The following MIPOL1 variants were observed in gnomAD, a reference collection of about 807,000 sequenced individuals.
MIPOL1 encodes the protein mirror-image polydactyly 1, also known as mirror-image polydactyly gene 1 protein.
MIPOL1 carries 57 observed loss-of-function variants against 60.9 expected under a neutral mutation model. The observed-to-expected ratio is 0.94, with a 90% CI of 0.76 to 1.17. The LOEUF (loss-of-function observed/expected upper bound fraction) is 1.17, where lower values mean the gene tolerates loss of function less well. MIPOL1 is among the 50% of genes most tolerant of loss of function. The probability of loss-of-function intolerance (pLI) is 0.00; values close to 1 mark genes in which losing one functional copy is unlikely to be tolerated. For synonymous variants in MIPOL1, 179 were observed against 168.8 expected (o/e 1.06, Z -0.47); for missense variants, 551 against 511.6 (o/e 1.08, Z -0.74).
chr14:37,533,704 A>G (rs1268847069), intron 12 of MIPOL1, among the ~76,000 whole-genome samples: 1 of 152,196 alleles, frequency 6.6e-6, no homozygotes, highest in East Asian at 1.9e-4. Context: ...ATAATTTTAA[A>G]TGGGATCATT....
intron 11 of MIPOL1, among the ~76,000 whole-genome samples, chr14:37,499,319 A>G (rs1376109243): frequency 6.6e-6 from 1 of 152,126 alleles, no homozygotes; most frequent in African/African-American, 2.4e-5. Context: ...ATTCGTTAAG[A>G]GATTCATTAG....
chr14:37,528,206 A>G (rs904813266), intron 12 of MIPOL1, among the ~76,000 whole-genome samples: 1 of 152,064 alleles, frequency 6.6e-6, no homozygotes, highest in Non-Finnish European at 1.5e-5. Flanking sequence ...ATGTTTTCAT[A>G]CAATACATAT....
At chr14:37,233,284 T>C (rs995559332) in intron 1 of MIPOL1, among the ~76,000 whole-genome samples, 4 of 152,194 alleles carry the variant, frequency 2.6e-5, no homozygotes, top group African/African-American at 9.7e-5. Context: ...GCAATTTAAA[T>C]ATAAATTGGC....
At chr14:37,531,772 C>G (rs2095480994) in intron 12 of MIPOL1, among the ~76,000 whole-genome samples, 1 of 151,992 alleles carries the variant, frequency 6.6e-6, no homozygotes, top group African/African-American at 2.4e-5. Context: ...GAGAATTGTT[C>G]TACTAATTAA....
chr14:37,519,672 A>G (rs971781871), intron 12 of MIPOL1, among the ~76,000 whole-genome samples: 2 of 152,110 alleles, frequency 1.3e-5, no homozygotes, highest in Non-Finnish European at 2.9e-5. Flanking sequence ...TACAGGGGAA[A>G]AAAAAGACTG....
At chr14:37,529,667 T>G (rs1339887281) in intron 12 of MIPOL1, among the ~76,000 whole-genome samples, 2 of 152,150 alleles carry the variant, frequency 1.3e-5, no homozygotes, top group African/African-American at 4.8e-5. Flanking sequence ...CAAGGAAATT[T>G]AACTTGGCCC....
chr14:37,309,751 A>G (rs904319738), intron 9 of MIPOL1, among the ~76,000 whole-genome samples: 1 of 147,298 alleles, frequency 6.8e-6, no homozygotes, highest in Admixed American at 6.9e-5. Flanking sequence ...CAGTAGTGTG[A>G]TCTTGGCTCA....
intron 11 of MIPOL1, among the ~76,000 whole-genome samples, chr14:37,481,611 A>ACACACACACACACACC (rs1216175293): frequency 7.0e-6 from 1 of 142,412 alleles, no homozygotes; most frequent in Non-Finnish European, 1.5e-5. Flanking sequence ...ACACACACAC[A>ACACACACACACACACC]CCGAAACCAC....
At chr14:37,230,191 A>G (rs372587429) in intron 1 of MIPOL1, among the ~76,000 whole-genome samples, 1 of 152,250 alleles carries the variant, frequency 6.6e-6, no homozygotes, top group African/African-American at 2.4e-5. Context: ...TGACTTGTCA[A>G]GATACATAAA....
intron 1 of MIPOL1, among the ~76,000 whole-genome samples, chr14:37,205,759 G>T (rs888701563): frequency 6.6e-6 from 1 of 152,030 alleles, no homozygotes; most frequent in African/African-American, 2.4e-5. Flanking sequence ...CAGAATGATG[G>T]TTTCCAGCTT....
chr14:37,504,317 C>A (rs1331530778), intron 12 of MIPOL1: 1 of 152,160 alleles, frequency 6.6e-6, no homozygotes. Flanking sequence ...TTCTCAGCAC[C>A]ACATCACACT....
intron 9 of MIPOL1, among the ~76,000 whole-genome samples, chr14:37,343,555 A>G (rs537639116): frequency 2.0e-5 from 3 of 152,278 alleles, no homozygotes; most frequent in African/African-American, 7.2e-5. Context: ...AAGTGGGAAG[A>G]TGTTTGATTA....
chr14:37,476,571 A>T (rs1040356664), intron 11 of MIPOL1, among the ~76,000 whole-genome samples: 1 of 152,158 alleles, frequency 6.6e-6, no homozygotes, highest in Non-Finnish European at 1.5e-5. Context: ...TATGGTTTTT[A>T]TAGATGTTCT....
rs1020221098 is a variant in MIPOL1 at position 37,198,129 on chromosome 14, G to C, written c.-199+25G>C. 4.6e-5 allele frequency: 7 copies of C among 152,460 alleles called. No individual in the cohort carries two copies. The East Asian group carries it at 9.6e-4, about 21-fold the overall frequency. 9.4% of individuals were successfully genotyped at this position (152,460 alleles called of 1,614,324 possible). A position where few individuals can be genotyped will look rare whatever the true frequency, so the allele number is the denominator to read the frequency against. ...GGTAAACGGTTGGGCAGGGAGGTTT[G>C]GGCGACGGAGAATGATAGTGGTGGG... On this transcript the variant is annotated intron_variant, in intron 1 of 12. Transcript: ENST00000684589.
chr14:37,283,273 G>T (rs2084277299), intron 6 of MIPOL1, among the ~76,000 whole-genome samples: 1 of 151,988 alleles, frequency 6.6e-6, no homozygotes, highest in Non-Finnish European at 1.5e-5. Context: ...TGCCATGTTG[G>T]CCAAGCTGGT....
intron 9 of MIPOL1, among the ~76,000 whole-genome samples, chr14:37,333,281 C>T (rs543767046): frequency 6.6e-6 from 1 of 152,014 alleles, no homozygotes; most frequent in South Asian, 2.1e-4. Flanking sequence ...TTAATGTGTT[C>T]ATGGTATACC....
intron 11 of MIPOL1, among the ~76,000 whole-genome samples, chr14:37,476,446 A>G (rs1048469991): frequency 6.6e-6 from 1 of 152,088 alleles, no homozygotes; most frequent in African/African-American, 2.4e-5. Flanking sequence ...GTCTTACTGC[A>G]TTAGCTAGGA....
rs148349494 is a variant in MIPOL1, at chr14:37,213,190, GGAAGACAT to G, written c.-199+15089_-199+15096del. 4.4e-3 allele frequency among the ~76,000 whole-genome samples: 675 copies of G among 152,212 alleles called. 2 individuals are homozygous for G. Among genetic ancestry groups the G allele is most frequent in the Non-Finnish European group, 4.6e-3 (314 of 68,026 alleles). ...AGAAAATATACATGTACACTATTCAGGAAGACATGACCTCATCAAATAAACTAAGTAAG... is the reference window on the plus strand; with the variant it reads ...AGAAAATATACATGTACACTATTCAGGACCTCATCAAATAAACTAAGTAAG... On this transcript the variant is annotated intron_variant, in intron 1 of 12. Coordinates refer to ENST00000684589, the MANE Select transcript of MIPOL1 (RefSeq NM_001388067.1).
intron 11 of MIPOL1, among the ~76,000 whole-genome samples, chr14:37,432,573 A>G (rs957760460): frequency 1.3e-5 from 2 of 152,200 alleles, no homozygotes; most frequent in African/African-American, 4.8e-5. Flanking sequence ...GTGTCTCCAT[A>G]TAATAAAGCA....
Sources: allele counts gnomAD v4.1 joint callset (sites outside exome capture counted in the v4.1 genomes callset), GRCh38; gene constraint gnomAD v4.1.1; transcripts MANE v1.5; gene names NCBI Gene and HGNC (gene_info 2026-07-23, HGNC 2026-07-21).